The following GNAI3 variants were observed in gnomAD, a reference collection of about 807,000 sequenced individuals.
GNAI3 encodes the protein G protein subunit alpha i3.
In GNAI3, 12 loss-of-function variants were observed where a neutral mutation model predicts 41.8. The observed-to-expected ratio is 0.29, with a 90% confidence interval of 0.18 to 0.47. The LOEUF is 0.47. GNAI3 is among the 20% of genes least tolerant of loss of function. GNAI3 has a pLI of 1.00. For synonymous variants in GNAI3, 132 were observed against 146.5 expected (o/e 0.90, Z 0.71); for missense variants, 360 against 429.6 (o/e 0.84, Z 1.43).
At chr1:109,571,892 T>C (rs1648612910) in intron 1 of GNAI3, among the ~76,000 whole-genome samples, 1 of 151,998 alleles carries the variant, frequency 6.6e-6, no homozygotes, top group African/African-American at 2.4e-5. Context: ...CACTCCAGCC[T>C]GGGTGACAGA....
At chr1:109,567,298 T>C (rs1057326671) in intron 1 of GNAI3, among the ~76,000 whole-genome samples, 1 of 152,176 alleles carries the variant, frequency 6.6e-6, no homozygotes, top group Non-Finnish European at 1.5e-5. Context: ...TTTTAAGATT[T>C]CTATATAGAA....
intron 1 of GNAI3, among the ~76,000 whole-genome samples, chr1:109,562,086 G>A (rs1298790156): frequency 6.6e-6 from 1 of 152,064 alleles, no homozygotes; most frequent in Non-Finnish European, 1.5e-5. Flanking sequence ...GCTGTATTAT[G>A]TATGTATGTG....
chr1:109,555,959 CGTGCGTGTGTGTGTGTGT>C (rs1428608485), intron 1 of GNAI3, among the ~76,000 whole-genome samples: 3 of 96,786 alleles, frequency 3.1e-5, no homozygotes, highest in African/African-American at 1.4e-4. Context: ...GGAGTGCGTG[CGTGCGTGTGTGTGTGTGT>C]GTGTGTGTGT....
intron 1 of GNAI3, among the ~76,000 whole-genome samples, chr1:109,566,643 C>T (rs996333066): frequency 1.3e-5 from 2 of 152,318 alleles, no homozygotes; most frequent in South Asian, 2.1e-4. Flanking sequence ...CTCACTGCAA[C>T]CTCCACCTCC....
intron 1 of GNAI3, among the ~76,000 whole-genome samples, chr1:109,554,470 T>C (rs1648091039): frequency 6.6e-6 from 1 of 152,182 alleles, no homozygotes; most frequent in East Asian, 1.9e-4. Context: ...TCCTGATAAT[T>C]AGTGATGTTG....
At chr1:109,578,620 A>T (rs2101104599) in intron 3 of GNAI3, among the ~76,000 whole-genome samples, 1 of 151,806 alleles carries the variant, frequency 6.6e-6, no homozygotes, top group Middle Eastern at 3.4e-3. Flanking sequence ...AAATCTAGGG[A>T]CTGTTTGAAT....
intron 7 of GNAI3, among the ~76,000 whole-genome samples, chr1:109,588,022 C>G (rs892631675): frequency 6.6e-6 from 1 of 152,100 alleles, no homozygotes; most frequent in African/African-American, 2.4e-5. Flanking sequence ...CTTTCCTAAC[C>G]AGCTTTCTCT....
Position 109,548,752 on chromosome 1 carries a change from C to A in GNAI3, c.32C>A (p.Ala11Glu). The change falls in exon 1 of 9, where the codon GCG becomes GAG. Residue 11 changes from alanine to glutamate, a missense_variant. Physicochemically the swap from Ala to Glu is moderately radical, Grantham distance 107. Coordinates refer to ENST00000369851, the MANE Select transcript of GNAI3 (RefSeq NM_006496.4). ...TGCACGTTGAGCGCCGAAGACAAGG[C>A]GGCAGTGGAGCGAAGCAAGATGATC... MGCTLSAEDK[A>E]AVERSKMIDR... 6.2e-7 allele frequency: 1 copy of A among 1,613,494 alleles called. No individual in the cohort carries two copies. The highest frequency in any genetic ancestry group is 2.2e-5 in the East Asian group (1 of 44,848).
chr1:109,588,146 C>T (rs993414330), intron 7 of GNAI3, among the ~76,000 whole-genome samples: 4 of 151,932 alleles, frequency 2.6e-5, no homozygotes, highest in South Asian at 4.2e-4. Flanking sequence ...TTTGGGAGGC[C>T]GAGGCGGGTG....
rs146077579 is a variant in GNAI3, at chr1:109,565,187, C to T, written c.119-8550C>T. Among the ~76,000 whole-genome samples, 265 of 150,370 alleles carry T rather than the reference C, an allele frequency of 1.8e-3. 8 individuals carry two copies. The East Asian group carries it at 0.048, about 27-fold the overall frequency. On this transcript the variant is annotated intron_variant, in intron 1 of 8. Transcript: ENST00000369851. ...GCTGAGACAGAGAATCACTTGAACC[C>T]GGGCAGCAGAAGTTGCAGTGAGCTG...
rs1647888076 is a variant in GNAI3 at position 109,548,626 on chromosome 1, C to A, written c.-95C>A. ...GCGCTAAGGGAGCTGACGGAGAGGG[C>A]CACCGCCCAGCAATAGACGGTGCCT... is the stretch of plus-strand genomic sequence containing the variant. On this transcript the variant is annotated 5_prime_UTR_variant, in exon 1 of 9. Transcript: ENST00000369851. 1.2e-6 allele frequency: 1 copy of A among 802,810 alleles called. No individual in the cohort carries two copies. Among genetic ancestry groups the A allele is most frequent in the Admixed American group, 2.3e-5 (1 of 44,238 alleles). The allele number at this position is 802,810 out of a possible 1,614,324, so 49.7% of individuals were successfully genotyped here.
At chr1:109,575,300 A>AT (rs1282235437) in intron 3 of GNAI3, among the ~76,000 whole-genome samples, 1 of 148,706 alleles carries the variant, frequency 6.7e-6, no homozygotes, top group Non-Finnish European at 1.5e-5. Flanking sequence ...CTGTGGTCTT[A>AT]TTTTTTCTTC....
At chr1:109,568,892 A>G (rs1373345284) in intron 1 of GNAI3, among the ~76,000 whole-genome samples, 1 of 151,998 alleles carries the variant, frequency 6.6e-6, no homozygotes, top group African/African-American at 2.4e-5. Context: ...AGGTTTGCCT[A>G]TGTTGCCTAG....
chr1:109,561,129 T>G (rs938930138), intron 1 of GNAI3, among the ~76,000 whole-genome samples: 1 of 152,188 alleles, frequency 6.6e-6, no homozygotes, highest in South Asian at 2.1e-4. Context: ...ATAATTTGCT[T>G]CTTTTCTTCT....
In GNAI3 at chr1:109,593,597, TTGTC is replaced by T. The variant is rs960654495; in HGVS notation, c.*1278_*1281del. ...GCCTTTGCAGAATGTGCTTTAGCCT[TTGTC>T]TGAGAATGGGTTTAGGTAGAAGGGT... is the stretch of plus-strand genomic sequence containing the variant. On this transcript the variant is annotated 3_prime_UTR_variant, in exon 9 of 9. Coordinates refer to ENST00000369851, the MANE Select transcript of GNAI3 (RefSeq NM_006496.4). The T allele has an allele frequency of 2.6e-5, 4 of 152,776 alleles. No individual in the cohort carries two copies. The highest frequency in any genetic ancestry group is 7.2e-5 in the African/African-American group (3 of 41,584). 9.5% of individuals were successfully genotyped at this position (152,776 alleles called of 1,614,324 possible).
chr1:109,579,145 GTCA>G, intron 3 of GNAI3, 56 bp from the exon 4 acceptor site: 1 of 1,368,604 alleles, frequency 7.3e-7, no homozygotes, highest in Non-Finnish European at 1.0e-6. Flanking sequence ...TAAAGAGACT[GTCA>G]TCAAGTCTTA....
At chr1:109,549,282 G>C (rs1287552041) in intron 1 of GNAI3, among the ~76,000 whole-genome samples, 1 of 152,124 alleles carries the variant, frequency 6.6e-6, no homozygotes, top group Non-Finnish European at 1.5e-5. Flanking sequence ...GATAAAGCTA[G>C]CAGGCTTGAA....
At chr1:109,575,593 A>AATG (rs1557908243) in intron 3 of GNAI3, among the ~76,000 whole-genome samples, 6 of 118,762 alleles carry the variant, frequency 5.1e-5, no homozygotes, top group Non-Finnish European at 9.6e-5. Flanking sequence ...CCCAGGCTGG[A>AATG]ATGCAATGGC....
intron 1 of GNAI3, among the ~76,000 whole-genome samples, chr1:109,552,755 A>T (rs1165066085): frequency 6.6e-6 from 1 of 151,544 alleles, no homozygotes; most frequent in South Asian, 2.1e-4. Flanking sequence ...AAGCAAGAAA[A>T]TTTTTTTTCA....
Sources: allele counts gnomAD v4.1 joint callset (sites outside exome capture counted in the v4.1 genomes callset), GRCh38; gene constraint gnomAD v4.1.1; transcripts MANE v1.5; gene names NCBI Gene and HGNC (gene_info 2026-07-23, HGNC 2026-07-21).